IMPG2: variants seen among roughly 807,000 people sequenced by gnomAD.
IMPG2 encodes IPM 200.
Under a neutral mutation model 129.2 loss-of-function variants are expected in IMPG2, and 91 were observed. The ratio of observed to expected loss-of-function variants is 0.70; its 90% CI spans 0.59 to 0.84. The LOEUF (loss-of-function observed/expected upper bound fraction) is 0.84. Among genes scored for constraint, IMPG2 ranks in the 40% least tolerant of loss-of-function variants. The pLI is 0.00. For synonymous variants in IMPG2, 510 were observed against 517.7 expected, an observed-to-expected ratio of 0.99 and a Z score of 0.20; for missense variants, 1,430 against 1,461.7, an observed-to-expected ratio of 0.98 and a Z score of 0.35.
rs148392938 is a variant in IMPG2, at chr3:101,244,275, C to T, written c.2056G>A (p.Ala686Thr). 1.1e-4 allele frequency: 171 copies of T among 1,614,024 alleles called. No homozygotes were observed. The highest frequency in any genetic ancestry group is 1.3e-4 in the Non-Finnish European group (151 of 1,179,994). Residue 686 changes from alanine (A) to threonine (T), a missense_variant, in exon 13 of 19, where the codon GCT becomes ACT. Coordinates refer to ENST00000193391, the MANE Select transcript of IMPG2 (RefSeq NM_016247.4). ...FPEEEPLSGP[A>T]VPIFADTAAE... ...GCAGTATCTGCGAAGATGGGCACAG[C>T]AGGCCCACTAAGAGGCTCTTCCTCT...
At chr3:101,292,037 T>C (rs969342401) in intron 3 of IMPG2, among the ~76,000 whole-genome samples, 3 of 152,222 alleles carry the variant, frequency 2.0e-5, no homozygotes, top group African/African-American at 7.2e-5. Context: ...TTAGGATTGT[T>C]ATTTTGAGAT....
chr3:101,316,289 T>A (rs971297546), intron 2 of IMPG2, among the ~76,000 whole-genome samples: 1 of 151,980 alleles, frequency 6.6e-6, no homozygotes, highest in African/African-American at 2.4e-5. Flanking sequence ...TTCTGCTCCT[T>A]AAAATACATC....
chr3:101,235,691 T>C (rs1706338266), intron 14 of IMPG2, among the ~76,000 whole-genome samples: 1 of 152,188 alleles, frequency 6.6e-6, no homozygotes, highest in Non-Finnish European at 1.5e-5. Flanking sequence ...TAACTGTATG[T>C]TTGGAAAAGT....
At chr3:101,231,250 C>T (rs1706283273) in intron 15 of IMPG2, 105 bp from the exon 16 acceptor site, 8 of 1,056,308 alleles carry the variant, frequency 7.6e-6, no homozygotes, top group Non-Finnish European at 1.2e-5. Context: ...GAAATAAATG[C>T]TGACCACGTG....
intron 7 of IMPG2, among the ~76,000 whole-genome samples, chr3:101,270,056 G>C (rs564366554): frequency 6.7e-6 from 1 of 150,052 alleles, no homozygotes; most frequent in South Asian, 2.1e-4. Context: ...TCAGCCTCCT[G>C]AGCAGCTGGA....
intron 14 of IMPG2, among the ~76,000 whole-genome samples, chr3:101,241,350 A>T (rs1250033549): frequency 6.6e-6 from 1 of 152,224 alleles, no homozygotes. Flanking sequence ...AGAAGGCAAA[A>T]GTGGACAGTG....
chr3:101,280,805 C>T (rs1706885138), intron 4 of IMPG2, among the ~76,000 whole-genome samples: 2 of 151,892 alleles, frequency 1.3e-5, no homozygotes, highest in African/African-American at 2.4e-5. Flanking sequence ...AAAAATTAGC[C>T]GGGCATAGTG....
intron 17 of IMPG2, 70 bp downstream of exon 17, chr3:101,229,304 CCACCCA>C: frequency 1.1e-6 from 1 of 875,158 alleles, no homozygotes; most frequent in Non-Finnish European, 1.9e-6. Context: ...ATACACACCC[CCACCCA>C]CCACCCCCTG....
At chr3:101,284,501 G>T (rs1706925227) in intron 4 of IMPG2, among the ~76,000 whole-genome samples, 1 of 151,662 alleles carries the variant, frequency 6.6e-6, no homozygotes, top group African/African-American at 2.4e-5. Flanking sequence ...TATTTTTATT[G>T]GTAAACAAAT....
chr3:101,287,714 A>G (rs1407904154), intron 4 of IMPG2, among the ~76,000 whole-genome samples: 2 of 152,068 alleles, frequency 1.3e-5, no homozygotes, highest in African/African-American at 4.8e-5. Flanking sequence ...CTGGAACCCT[A>G]CCTTTTATCA....
chr3:101,229,527 C>T lies in IMPG2; in HGVS notation c.3486G>A (p.Val1162=). The change falls in exon 17 of 19, where the codon GTG becomes GTA. Residue 1162 remains valine (V), a synonymous_variant. Coordinates refer to ENST00000193391, the MANE Select transcript of IMPG2 (RefSeq NM_016247.4). ...SIENAVKYNP[V]YESHRAGCEK... is the part of the protein sequence containing the mutation. ...CACATCCAGCCCTGTGACTTTCATA[C>T]ACGGGGTTGTACTTCACAGCATTCT... is the stretch of plus-strand genomic sequence containing the variant. 6.2e-7 allele frequency: 1 copy of T among 1,613,966 alleles called. No homozygotes were observed. Among genetic ancestry groups the T allele is most frequent in the Non-Finnish European group, 8.5e-7 (1 of 1,180,010 alleles).
chr3:101,227,040 C>T, intron 18 of IMPG2, 59 bp from the exon 19 acceptor site: 11 of 1,510,232 alleles, frequency 7.3e-6, no homozygotes, highest in South Asian at 1.1e-5. Context: ...TAATAAAATG[C>T]AATTACTGTC....
At chr3:101,255,931 T>C (rs1171153806) in intron 10 of IMPG2, among the ~76,000 whole-genome samples, 5 of 151,624 alleles carry the variant, frequency 3.3e-5, no homozygotes, top group South Asian at 4.2e-4. Context: ...TAAAGTCCTA[T>C]GTAATTCATA....
At chr3:101,247,307 G>A (rs914640056) in intron 11 of IMPG2, among the ~76,000 whole-genome samples, 1 of 152,100 alleles carries the variant, frequency 6.6e-6, no homozygotes. Flanking sequence ...GTCCTAAGAA[G>A]GTATTTGAGG....
At chr3:101,229,705 G>C (rs1559638817) in intron 16 of IMPG2, 115 bp from the exon 17 acceptor site, 1 of 874,020 alleles carries the variant, frequency 1.1e-6, no homozygotes, top group South Asian at 1.4e-5. Flanking sequence ...TTACACAAAT[G>C]GTGGGACATA....
Position 101,232,986 on chromosome 3 carries a change from C to T in IMPG2, c.3028G>A (p.Glu1010Lys). The T allele has an allele frequency of 1.2e-6, 2 of 1,614,056 alleles. No individual in the cohort carries two copies. Among genetic ancestry groups the T allele is most frequent in the Non-Finnish European group, 1.7e-6 (2 of 1,179,962 alleles). The change falls in exon 15 of 19, where the codon GAA (glutamate) becomes AAA (lysine). Residue 1010 changes from glutamate (E) to lysine (K), a missense_variant. Physicochemically the swap from Glu to Lys is moderately conservative, Grantham distance 56 (BLOSUM62 1). Coordinates refer to ENST00000193391, the MANE Select transcript of IMPG2 (RefSeq NM_016247.4). ...GCCTGAAACTTGCAAGGGTTGGCTTCATCACCTAAAACATTAAACAAAGAA... is the reference window on the plus strand; with the variant it reads ...GCCTGAAACTTGCAAGGGTTGGCTTTATCACCTAAAACATTAAACAAAGAA... ...KYSLDVESGD[E>K]ANPCKFQACN...
chr3:101,307,308 A>G (rs1707215268), intron 2 of IMPG2, among the ~76,000 whole-genome samples: 1 of 152,240 alleles, frequency 6.6e-6, no homozygotes, highest in Non-Finnish European at 1.5e-5. Context: ...ACTTTGAAAT[A>G]AATGTTAATT....
chr3:101,311,125 G>A (rs1248054355), intron 2 of IMPG2, among the ~76,000 whole-genome samples: 1 of 151,676 alleles, frequency 6.6e-6, no homozygotes, highest in African/African-American at 2.4e-5. Flanking sequence ...AATGGTCCTA[G>A]GGGCACATGA....
chr3:101,299,546 T>G (rs1707117992), intron 3 of IMPG2, among the ~76,000 whole-genome samples: 1 of 152,230 alleles, frequency 6.6e-6, no homozygotes, highest in African/African-American at 2.4e-5. Context: ...GTATCAATCC[T>G]TGAGGATGCT....
Sources: allele counts gnomAD v4.1 joint callset (sites outside exome capture counted in the v4.1 genomes callset), GRCh38; gene constraint gnomAD v4.1.1; transcripts MANE v1.5; gene names NCBI Gene and HGNC (gene_info 2026-07-23, HGNC 2026-07-21).